The following CNTNAP2 variants were observed in gnomAD, a reference collection of about 807,000 sequenced individuals.
CNTNAP2 encodes the protein contactin associated protein 2, also known as contactin-associated protein-like 2.
CNTNAP2 carries 98 observed loss-of-function variants against 155.2 expected under a neutral mutation model. That is an observed-to-expected ratio of 0.63 (90% CI 0.54 to 0.75). CNTNAP2 has a LOEUF of 0.75. Among genes scored for constraint, CNTNAP2 ranks in the 30% least tolerant of loss-of-function variants. The pLI is 0.00. For synonymous variants in CNTNAP2, 651 were observed against 631.2 expected (o/e 1.03, Z -0.47); for missense variants, 1,727 against 1,688.1 (o/e 1.02, Z -0.40).
chr7:147,337,246 AC>A (rs1795679878), intron 9 of CNTNAP2, among the ~76,000 whole-genome samples: 1 of 151,970 alleles, frequency 6.6e-6, no homozygotes, highest in African/African-American at 2.4e-5. Flanking sequence ...GCACAGGAAA[AC>A]TGCCAAGGGC....
chr7:147,471,765 C>G (rs1258527528), intron 10 of CNTNAP2, among the ~76,000 whole-genome samples: 1 of 152,152 alleles, frequency 6.6e-6, no homozygotes, highest in Admixed American at 6.5e-5. Flanking sequence ...GACATGTTCC[C>G]TACTCTCATG....
At chr7:146,699,871 G>A (rs1053573472) in intron 1 of CNTNAP2, among the ~76,000 whole-genome samples, 1 of 152,110 alleles carries the variant, frequency 6.6e-6, no homozygotes, top group African/African-American at 2.4e-5. Flanking sequence ...GGAAGGCTGA[G>A]GCACAAGAAT....
chr7:146,968,418 C>T (rs1253380892), intron 3 of CNTNAP2, among the ~76,000 whole-genome samples: 8 of 150,772 alleles, frequency 5.3e-5, no homozygotes, highest in Non-Finnish European at 1.0e-4. Flanking sequence ...TGGTAGAATT[C>T]GGCTGTGAAT....
chr7:148,089,941 G>A (rs1478477032), intron 15 of CNTNAP2, among the ~76,000 whole-genome samples: 2 of 151,760 alleles, frequency 1.3e-5, no homozygotes, highest in African/African-American at 2.4e-5. Context: ...TATACCAATG[G>A]AACAGAATAA....
At chr7:147,812,446 G>A (rs1798195867) in intron 13 of CNTNAP2, among the ~76,000 whole-genome samples, 1 of 150,638 alleles carries the variant, frequency 6.6e-6, no homozygotes, top group Non-Finnish European at 1.5e-5. Context: ...AGCCGGAGAT[G>A]TTTACAGTAC....
Position 148,139,626 on chromosome 7 carries a change from C to T in CNTNAP2, c.2555-7865C>T, listed in dbSNP as rs561850920. On this transcript the variant is annotated intron_variant, in intron 16 of 23. Transcript: ENST00000361727. ...GCAACCTCTGGCTCACTGCAACCTC[C>T]GCCTCCTGGGTCAAGTGATTCTCCT... Among the ~76,000 whole-genome samples, 23 of 152,172 alleles carry T rather than the reference C, an allele frequency of 1.5e-4. No homozygotes were observed. The East Asian group carries it at 2.9e-3, about 19-fold the overall frequency.
chr7:147,819,895 T>C (rs75833580), intron 13 of CNTNAP2, among the ~76,000 whole-genome samples: 7,990 of 152,284 alleles, frequency 0.052, 248 homozygotes, highest in Middle Eastern at 0.065. Flanking sequence ...CCTCAGTTTA[T>C]TCACCTGTTT....
At chr7:147,114,194 TC>T (rs1281263529) in intron 5 of CNTNAP2, among the ~76,000 whole-genome samples, 4 of 152,320 alleles carry the variant, frequency 2.6e-5, no homozygotes, top group Admixed American at 2.6e-4. Context: ...ATGATTTCAG[TC>T]CTTTTTCATT....
intron 13 of CNTNAP2, among the ~76,000 whole-genome samples, chr7:147,888,204 T>C (rs1217154458): frequency 2.0e-5 from 2 of 100,558 alleles, no homozygotes; most frequent in East Asian, 6.3e-4. Flanking sequence ...AATTATTGGA[T>C]TGAAAAAAAT....
In CNTNAP2 at chr7:147,915,749, G is replaced by A. The variant is rs187518159; in HGVS notation, c.2255+12028G>A. ...TATTGCTTTACCAGTGATCTGGGTG[G>A]CGGGCGGGGGTGAAGAAGAAGAAAA... On this transcript the variant is annotated intron_variant, in intron 14 of 23. Transcript: ENST00000361727. Among the ~76,000 whole-genome samples the A allele has an allele frequency of 2.1e-3, 317 of 149,516 alleles. 1 individual carries two copies. The highest frequency in any genetic ancestry group is 7.5e-3 in the African/African-American group (304 of 40,780).
At chr7:147,513,650 A>G (rs551857498) in intron 11 of CNTNAP2, among the ~76,000 whole-genome samples, 2 of 152,366 alleles carry the variant, frequency 1.3e-5, no homozygotes, top group East Asian at 3.9e-4. Flanking sequence ...AAGGCCAAAT[A>G]CAAAATCATG....
chr7:147,033,180 A>G lies in CNTNAP2; in HGVS notation c.403-10727A>G, dbSNP rs200167821. On this transcript the variant is annotated intron_variant, in intron 3 of 23. Transcript: ENST00000361727. ...TATATGTATATATATATATATATAT[A>G]TATATATATATATATATATATATGG... Among the ~76,000 whole-genome samples, 609 of 85,222 alleles carry G rather than the reference A, an allele frequency of 7.1e-3. 7 individuals carry two copies. Among genetic ancestry groups the G allele is most frequent in the Middle Eastern group, 0.012 (2 of 168 alleles). The allele number at this position is 85,222 out of a possible 152,430, so 55.9% of individuals were successfully genotyped here.
chr7:148,402,517 G>A (rs1002283460), intron 22 of CNTNAP2, among the ~76,000 whole-genome samples: 4 of 152,206 alleles, frequency 2.6e-5, no homozygotes, highest in East Asian at 1.9e-4. Flanking sequence ...CATCTTAGTC[G>A]ATAACCATTT....
At chr7:147,438,468 T>C (rs1797587275) in intron 10 of CNTNAP2, among the ~76,000 whole-genome samples, 1 of 151,752 alleles carries the variant, frequency 6.6e-6, no homozygotes, top group Non-Finnish European at 1.5e-5. Context: ...CCCTTAGTCA[T>C]GGTGAATTAT....
intron 4 of CNTNAP2, among the ~76,000 whole-genome samples, chr7:147,080,401 G>A (rs1362450264): frequency 6.6e-6 from 1 of 151,982 alleles, no homozygotes; most frequent in Non-Finnish European, 1.5e-5. Flanking sequence ...TACCAGCCAG[G>A]TGTATAGCAT....
chr7:147,831,460 A>C (rs769345273), intron 13 of CNTNAP2, among the ~76,000 whole-genome samples: 3 of 152,192 alleles, frequency 2.0e-5, no homozygotes, highest in Non-Finnish European at 4.4e-5. Flanking sequence ...CTTGGAATCT[A>C]TGACATCTTA....
At chr7:146,506,542 C>G (rs1166708898) in intron 1 of CNTNAP2, among the ~76,000 whole-genome samples, 1 of 152,194 alleles carries the variant, frequency 6.6e-6, no homozygotes, top group South Asian at 2.1e-4. Context: ...TTGCCCAGGG[C>G]AGTGAAAGGC....
At chr7:148,061,992 TA>T (rs1308484742) in intron 15 of CNTNAP2, among the ~76,000 whole-genome samples, 2,390 of 127,542 alleles carry the variant, frequency 0.019, 200 homozygotes, top group African/African-American at 0.079. Flanking sequence ...GATAGATAGA[TA>T]GATAGATAGA....
intron 1 of CNTNAP2, among the ~76,000 whole-genome samples, chr7:146,386,533 C>T (rs1310739515): frequency 9.2e-5 from 14 of 152,082 alleles, no homozygotes; most frequent in African/African-American, 2.9e-4. Context: ...GGATTACAGG[C>T]GCCTGCCACC....
Sources: gnomAD v4.1 joint callset for allele counts (sites outside exome capture counted in the v4.1 genomes callset) on GRCh38, gnomAD v4.1.1 for gene constraint, MANE v1.5 for transcripts, NCBI Gene and HGNC (gene_info 2026-07-23, HGNC 2026-07-21) for gene names.